MICU1: variants seen among roughly 807,000 people sequenced by gnomAD.
MICU1 encodes the protein calcium uptake protein 1, mitochondrial.
A neutral mutation model predicts 56.8 loss-of-function variants in MICU1; 45 were observed. That is an observed-to-expected ratio of 0.79 (90% confidence interval 0.62 to 1.02). The LOEUF is 1.02. Among genes scored for constraint, MICU1 ranks in the 50% least tolerant of loss-of-function variants. The pLI, the probability that MICU1 is intolerant of heterozygous loss-of-function variation, is 0.00. For synonymous variants in MICU1, 186 were observed against 195.1 expected (o/e 0.95, Z 0.39); for missense variants, 504 against 587.1 (o/e 0.86, Z 1.46).
At chr10:72,387,854 A>G (rs1486620272) in intron 10 of MICU1, among the ~76,000 whole-genome samples, 1 of 151,898 alleles carries the variant, frequency 6.6e-6, no homozygotes. Context: ...CCAGCCCCCT[A>G]ATAAGATAAA....
At chr10:72,442,470 A>G (rs1864968031) in intron 8 of MICU1, among the ~76,000 whole-genome samples, 1 of 152,172 alleles carries the variant, frequency 6.6e-6, no homozygotes, top group African/African-American at 2.4e-5. Context: ...AAATGTAAAC[A>G]TGAGACCTTC....
chr10:72,429,835 C>G (rs1435703345), intron 8 of MICU1, among the ~76,000 whole-genome samples: 2 of 152,144 alleles, frequency 1.3e-5, no homozygotes, highest in African/African-American at 2.4e-5. Flanking sequence ...TAGGAACTAA[C>G]CTTTGTTAAT....
At chr10:72,591,059 C>G (rs1254706744) in intron 1 of MICU1, among the ~76,000 whole-genome samples, 1 of 151,822 alleles carries the variant, frequency 6.6e-6, no homozygotes, top group African/African-American at 2.4e-5. Context: ...GACCACAACA[C>G]GATAAAGTTA....
intron 6 of MICU1, among the ~76,000 whole-genome samples, chr10:72,494,842 T>TAAAAA (rs758537983): frequency 1.4e-5 from 2 of 144,866 alleles, no homozygotes; most frequent in African/African-American, 5.2e-5. Context: ...GCCCTGATTC[T>TAAAAA]AAAAAAAAAA....
At chr10:72,545,334 G>A (rs1489004947) in intron 4 of MICU1, among the ~76,000 whole-genome samples, 1 of 152,198 alleles carries the variant, frequency 6.6e-6, no homozygotes, top group Non-Finnish European at 1.5e-5. Flanking sequence ...ACCATAACCA[G>A]TGACACGGCC....
At chr10:72,455,076 C>A (rs1304817185) in intron 8 of MICU1, among the ~76,000 whole-genome samples, 1 of 151,968 alleles carries the variant, frequency 6.6e-6, no homozygotes, top group Non-Finnish European at 1.5e-5. Flanking sequence ...TTCGGCCAGG[C>A]GCAGTGGCTC....
chr10:72,605,117 G>A (rs1188943700), intron 1 of MICU1, among the ~76,000 whole-genome samples: 2 of 152,182 alleles, frequency 1.3e-5, no homozygotes, highest in Admixed American at 6.6e-5. Flanking sequence ...ACAGGGTGCA[G>A]TAAAGAAGCC....
At chr10:72,427,504 C>G (rs1490694647) in intron 8 of MICU1, among the ~76,000 whole-genome samples, 1 of 151,992 alleles carries the variant, frequency 6.6e-6, no homozygotes, top group Non-Finnish European at 1.5e-5. Context: ...TTAATGTATC[C>G]AACAAATGTA....
chr10:72,440,100 T>G (rs939083562), intron 8 of MICU1, among the ~76,000 whole-genome samples: 1 of 152,160 alleles, frequency 6.6e-6, no homozygotes, highest in Non-Finnish European at 1.5e-5. Context: ...GAGACAATCC[T>G]AAGCCAAAAG....
chr10:72,454,561 C>A (rs1238140595), intron 8 of MICU1, among the ~76,000 whole-genome samples: 6 of 150,596 alleles, frequency 4.0e-5, no homozygotes, highest in African/African-American at 1.5e-4. Flanking sequence ...GGCGGGTAGA[C>A]CACCTGAGGT....
intron 1 of MICU1, among the ~76,000 whole-genome samples, chr10:72,621,338 A>G (rs1483503664): frequency 1.3e-5 from 2 of 152,108 alleles, no homozygotes; most frequent in East Asian, 3.9e-4. Context: ...AAATACAAAA[A>G]AAAAATAGCC....
chr10:72,569,237 A>ATATATTTTTTTTTTTTTTTTT, intron 1 of MICU1, among the ~76,000 whole-genome samples: 1 of 34,380 alleles, frequency 2.9e-5, no homozygotes, highest in African/African-American at 1.1e-4. Context: ...ATATATATAT[A>ATATATTTTTTTTTTTTTTTTT]TTTTTTTTTT....
intron 5 of MICU1, among the ~76,000 whole-genome samples, chr10:72,522,486 C>T (rs556191655): frequency 6.6e-6 from 1 of 152,030 alleles, no homozygotes; most frequent in East Asian, 1.9e-4. Flanking sequence ...GTAAACTACA[C>T]CCTCCTTTGG....
intron 10 of MICU1, among the ~76,000 whole-genome samples, chr10:72,393,472 T>C (rs1863147200): frequency 6.6e-6 from 1 of 152,184 alleles, no homozygotes; most frequent in African/African-American, 2.4e-5. Flanking sequence ...AGGCCTTAAC[T>C]AACTCCAATA....
rs569367403 is a variant in MICU1 at position 72,580,539 on chromosome 10, C to T, written c.-1-13745G>A. On this transcript the variant is annotated intron_variant, in intron 1 of 11. Transcript: ENST00000361114. ...TCACCCAGGCTGGAGTGCAAAGGCA[C>T]GATCTTGGCTCACCACAACCTCCAC... Among the ~76,000 whole-genome samples, 125 of 152,258 alleles carry T rather than the reference C, an allele frequency of 8.2e-4. 1 individual carries two copies. The highest frequency in any genetic ancestry group is 1.5e-3 in the Non-Finnish European group (102 of 68,024).
At chr10:72,422,446 A>G (rs1475370407) in intron 9 of MICU1, among the ~76,000 whole-genome samples, 1 of 152,224 alleles carries the variant, frequency 6.6e-6, no homozygotes, top group African/African-American at 2.4e-5. Context: ...GAATTTGCCT[A>G]TGTGATTTCC....
intron 6 of MICU1, among the ~76,000 whole-genome samples, chr10:72,493,979 A>G (rs1231284775): frequency 1.3e-5 from 2 of 152,194 alleles, no homozygotes; most frequent in Non-Finnish European, 2.9e-5. Context: ...TGGCATACAA[A>G]TGGTTTTGGG....
chr10:72,386,935 C>T (rs1006658947), intron 10 of MICU1, among the ~76,000 whole-genome samples: 3 of 152,254 alleles, frequency 2.0e-5, no homozygotes, highest in Admixed American at 6.5e-5. Context: ...GGGAAACTAG[C>T]CAAGGTCTAA....
rs916392455 is a variant in MICU1 at position 72,524,681 on chromosome 10, A to C, written c.537+9065T>G. 2.7e-5 allele frequency: 33 copies of C among 1,201,628 alleles called. No individual in the cohort carries two copies. The East Asian group carries it at 1.0e-3, about 37-fold the overall frequency. The allele number at this position is 1,201,628 out of a possible 1,614,324, so 74.4% of individuals were successfully genotyped here. On this transcript the variant is annotated intron_variant, in intron 5 of 11. Coordinates refer to ENST00000361114, the MANE Select transcript of MICU1 (RefSeq NM_001195518.2). ...GCTGAACCTTTGTTCCTGAAGCATT[A>C]CTATGGATTTTGGAGCATTAAGTAA...
Sources: allele counts gnomAD v4.1 joint callset (sites outside exome capture counted in the v4.1 genomes callset), GRCh38; gene constraint gnomAD v4.1.1; transcripts MANE v1.5; gene names NCBI Gene and HGNC (gene_info 2026-07-23, HGNC 2026-07-21).